The following TRDN variants were observed in gnomAD, a reference collection of about 807,000 sequenced individuals.
TRDN encodes triadin in skeletal muscle.
In TRDN, 161 loss-of-function variants were observed where a neutral mutation model predicts 149.7. The observed-to-expected ratio is 1.08, with a 90% CI of 0.95 to 1.23. The LOEUF is 1.23. Among genes scored for constraint, TRDN ranks in the 50% most tolerant of loss-of-function variants. The probability of loss-of-function intolerance (pLI) is 0.00; values close to 1 mark genes in which losing one functional copy is unlikely to be tolerated. For missense variants in TRDN, 896 were observed against 823.5 expected, an observed-to-expected ratio of 1.09 and a Z score of -1.08; for synonymous variants, 294 against 250.5, an observed-to-expected ratio of 1.17 and a Z score of -1.64.
intron 9 of TRDN, among the ~76,000 whole-genome samples, chr6:123,489,927 AAC>A (rs1778140019): frequency 6.6e-6 from 1 of 152,082 alleles, no homozygotes; most frequent in South Asian, 2.1e-4. Context: ...TGTTTCACTG[AAC>A]ACAGTTTATA....
chr6:123,535,730 A>AT (rs1469191515), intron 4 of TRDN, among the ~76,000 whole-genome samples: 1 of 152,178 alleles, frequency 6.6e-6, no homozygotes, highest in African/African-American at 2.4e-5. Flanking sequence ...TTGAGAATAA[A>AT]TAAAAACTAG....
At chr6:123,598,682 G>T (rs994411736) in intron 1 of TRDN, among the ~76,000 whole-genome samples, 2 of 151,956 alleles carry the variant, frequency 1.3e-5, no homozygotes, top group Non-Finnish European at 2.9e-5. Flanking sequence ...TTTGTCTATT[G>T]TCTATGCGTT....
chr6:123,612,068 AGTG>A (rs992071769), intron 1 of TRDN, among the ~76,000 whole-genome samples: 2 of 151,706 alleles, frequency 1.3e-5, no homozygotes, highest in Non-Finnish European at 2.9e-5. Context: ...CTATAAAGAC[AGTG>A]GTGATCTGCC....
rs1041339265 is a variant in TRDN, at chr6:123,479,305, C to T, written c.854-14322G>A. ...ACTAATTTATGAGTAGAACACTAAT[C>T]TTTCAAAGAAAGTTATACATTTTTC... On this transcript the variant is annotated intron_variant, in intron 9 of 40. Transcript: ENST00000334268. Among the ~76,000 whole-genome samples, 4 of 152,088 alleles carry T rather than the reference C, an allele frequency of 2.6e-5. No individual in the cohort carries two copies. The East Asian group carries it at 7.7e-4, about 29-fold the overall frequency.
At chr6:123,323,568 T>C (rs969334512) in intron 23 of TRDN, among the ~76,000 whole-genome samples, 1 of 152,216 alleles carries the variant, frequency 6.6e-6, no homozygotes, top group African/African-American at 2.4e-5. Context: ...AAGTCATGAC[T>C]CAATGCTTTA....
At chr6:123,379,937 T>C (rs1781650580) in intron 16 of TRDN, among the ~76,000 whole-genome samples, 1 of 152,096 alleles carries the variant, frequency 6.6e-6, no homozygotes, top group South Asian at 2.1e-4. Flanking sequence ...GTTGTGATTA[T>C]TAGAAAAGTA....
rs764643197 is a variant in TRDN, at chr6:123,244,552, A to C, written c.1975+7860T>G. ...TGAATTCAAGATTAGAGAAAAAAAG[A>C]ATAAAGAAGAACGAACAAAGCCTCC... On this transcript the variant is annotated intron_variant, in intron 38 of 40. Coordinates refer to ENST00000334268, the MANE Select transcript of TRDN (RefSeq NM_006073.4). 4.5e-4 allele frequency among the ~76,000 whole-genome samples: 69 copies of C among 152,306 alleles called. 1 individual carries two copies. The highest frequency in any genetic ancestry group is 9.1e-4 in the Non-Finnish European group (62 of 68,026).
intron 9 of TRDN, among the ~76,000 whole-genome samples, chr6:123,477,023 C>A: frequency 1.1e-5 from 1 of 88,962 alleles, no homozygotes; most frequent in Non-Finnish European, 2.2e-5. Context: ...GTCTAAAACA[C>A]CAAAAGCAAT....
intron 5 of TRDN, among the ~76,000 whole-genome samples, chr6:123,529,818 G>A (rs1007365809): frequency 3.3e-5 from 5 of 151,942 alleles, no homozygotes; most frequent in Non-Finnish European, 4.4e-5. Context: ...ACCTGGGCAC[G>A]CTTAGAAGAA....
chr6:123,623,974 A>G (rs1356114140), intron 1 of TRDN, among the ~76,000 whole-genome samples: 2 of 152,206 alleles, frequency 1.3e-5, no homozygotes, highest in Non-Finnish European at 2.9e-5. Flanking sequence ...AACTTTATAC[A>G]TACTTCTTTC....
chr6:123,345,750 A>T (rs1780222559), intron 21 of TRDN, among the ~76,000 whole-genome samples: 1 of 152,074 alleles, frequency 6.6e-6, no homozygotes. Flanking sequence ...GTTTCCCTCC[A>T]ACAGGTCTTA....
At chr6:123,285,295 A>G (rs926514754) in intron 24 of TRDN, among the ~76,000 whole-genome samples, 2 of 152,172 alleles carry the variant, frequency 1.3e-5, no homozygotes, top group Non-Finnish European at 2.9e-5. Flanking sequence ...AAACTATATT[A>G]TAAGGCCACA....
chr6:123,409,140 C>T (rs1773325310), intron 12 of TRDN, among the ~76,000 whole-genome samples: 1 of 152,084 alleles, frequency 6.6e-6, no homozygotes, highest in African/African-American at 2.4e-5. Flanking sequence ...ATAAGTATTC[C>T]TTGCTTCTCT....
chr6:123,425,179 T>A (rs192095646), intron 12 of TRDN, among the ~76,000 whole-genome samples: 13 of 151,376 alleles, frequency 8.6e-5, no homozygotes, highest in African/African-American at 2.9e-4. Flanking sequence ...AAGGGTGTAG[T>A]AATCTTCTAA....
At chr6:123,446,877 G>C (rs1775409802) in intron 10 of TRDN, among the ~76,000 whole-genome samples, 1 of 144,270 alleles carries the variant, frequency 6.9e-6, no homozygotes, top group African/African-American at 2.8e-5. Context: ...AGAAGACTTA[G>C]GGAAAAAAAT....
intron 12 of TRDN, chr6:123,437,447 A>T (rs1311070424): frequency 7.3e-6 from 2 of 274,562 alleles, no homozygotes; most frequent in Non-Finnish European, 1.3e-5. Flanking sequence ...TCTGCTACCC[A>T]GGCTGGAGTG....
chr6:123,498,478 G>T (rs1778541724), intron 8 of TRDN: 1 of 466,368 alleles, frequency 2.1e-6, no homozygotes, highest in Middle Eastern at 3.3e-4. Context: ...AACTCATAAA[G>T]TTCCAAAAAT....
chr6:123,479,288 A>G (rs1333974222), intron 9 of TRDN, among the ~76,000 whole-genome samples: 1 of 152,188 alleles, frequency 6.6e-6, no homozygotes, highest in Non-Finnish European at 1.5e-5. Context: ...TTACTAATTT[A>G]TGAGTAGAAC....
At chr6:123,423,337 T>C (rs1056001675) in intron 12 of TRDN, among the ~76,000 whole-genome samples, 5 of 152,170 alleles carry the variant, frequency 3.3e-5, no homozygotes, top group Admixed American at 6.6e-5. Flanking sequence ...AATTGACAAA[T>C]ATATTTTTCT....
Sources: allele counts gnomAD v4.1 joint callset (sites outside exome capture counted in the v4.1 genomes callset), GRCh38; gene constraint gnomAD v4.1.1; transcripts MANE v1.5; gene names NCBI Gene and HGNC (gene_info 2026-07-23, HGNC 2026-07-21).